The following IAH1 variants were observed in gnomAD, a reference collection of about 807,000 sequenced individuals.
IAH1 encodes the protein isoamyl acetate-hydrolyzing esterase 1 homolog.
Under a neutral mutation model 26.7 loss-of-function variants are expected in IAH1, and 24 were observed. That is an observed-to-expected ratio of 0.90 (90% CI 0.65 to 1.26). The LOEUF (loss-of-function observed/expected upper bound fraction) is 1.26. Among genes scored for constraint, IAH1 ranks in the 50% most tolerant of loss-of-function variants. The pLI is 0.00. For synonymous variants in IAH1, 140 were observed against 118.5 expected (o/e 1.18, Z -1.18); for missense variants, 300 against 299.9 (o/e 1.00, Z 0.00).
In IAH1 at chr2:9,488,659, C is replaced by T. The variant is rs1306389097; in HGVS notation, c.*330C>T. 2 of 177,858 alleles carry T rather than the reference C, an allele frequency of 1.1e-5. No individual in the cohort carries two copies. Among genetic ancestry groups the T allele is most frequent in the African/African-American group, 2.4e-5 (1 of 42,396 alleles). 11.0% of individuals were successfully genotyped at this position (177,858 alleles called of 1,614,324 possible). A position where few individuals can be genotyped will look rare whatever the true frequency, so the allele number is the denominator to read the frequency against. ...GAACTGTTTCACTCATACATACACC[C>T]ACACACCCCACTCAACCTTGTATCA... is the stretch of plus-strand genomic sequence containing the variant. On this transcript the variant is annotated 3_prime_UTR_variant, in exon 6 of 6. Transcript: ENST00000497473.
chr2:9,482,325 G>T (rs181033446), intron 4 of IAH1, among the ~76,000 whole-genome samples: 1 of 152,180 alleles, frequency 6.6e-6, no homozygotes, highest in Non-Finnish European at 1.5e-5. Flanking sequence ...ACCGTTCCTG[G>T]ACTGGAAGTT....
At chr2:9,490,067 CA>C, downstream of IAH1, 1 of 1,022,640 alleles carries the variant, frequency 9.8e-7, no homozygotes, top group African/African-American at 1.6e-5. Context: ...ACATGACCAG[CA>C]TCTGCTAAGT....
intron 1 of IAH1, among the ~76,000 whole-genome samples, chr2:9,475,500 T>C (rs910935726): frequency 2.6e-5 from 4 of 151,562 alleles, no homozygotes; most frequent in African/African-American, 7.3e-5. Context: ...TTTTTTTTTT[T>C]TTCTTTTTTT....
At chr2:9,490,381 C>T, downstream of IAH1, 2 of 1,614,154 alleles carry the variant, frequency 1.2e-6, no homozygotes. Flanking sequence ...TGTCCATTCT[C>T]TGGTGGTCCA....
At position 9,474,774 on chromosome 2, in the gene IAH1, G is replaced by T. The variant is rs933512535; in HGVS notation, c.81+127G>T. On this transcript the variant is annotated intron_variant, in intron 1 of 5. Transcript: ENST00000497473. The surrounding 1 kb of genome is among the most constrained non-coding windows in gnomAD (Gnocchi z 4.3). ...CTGGGCCGGAGGCCTGGCCACGCCC[G>T]TGGAGACACCGGAGGAGTGGCGGGT... 2 of 698,210 alleles carry T rather than the reference G, an allele frequency of 2.9e-6. No homozygotes were observed. The highest frequency in any genetic ancestry group is 4.3e-6 in the Non-Finnish European group (2 of 466,682). The allele number at this position is 698,210 out of a possible 1,614,324, so 43.3% of individuals were successfully genotyped here. A position where few individuals can be genotyped will look rare whatever the true frequency, so the allele number is the denominator to read the frequency against.
At chr2:9,477,506 C>CTT (rs1283495960) in intron 2 of IAH1, among the ~76,000 whole-genome samples, 2 of 152,162 alleles carry the variant, frequency 1.3e-5, no homozygotes, top group South Asian at 4.2e-4. Context: ...AAGAGTCCCT[C>CTT]TTATGTGACT....
chr2:9,479,795 C>CT (rs5829216), intron 3 of IAH1, among the ~76,000 whole-genome samples: 1,002 of 69,832 alleles, frequency 0.014, 60 homozygotes, highest in East Asian at 0.052. Flanking sequence ...CTGTGTATTG[C>CT]TTTTTTTTTT....
chr2:9,476,851 A>T (rs1466770616), intron 2 of IAH1, among the ~76,000 whole-genome samples: 3 of 152,208 alleles, frequency 2.0e-5, no homozygotes, highest in African/African-American at 7.2e-5. Context: ...GCTCCAGGCC[A>T]CCTGGATGTA....
At chr2:9,490,585 C>T, downstream of IAH1, 1 of 1,444,226 alleles carries the variant, frequency 6.9e-7, no homozygotes, top group Non-Finnish European at 9.3e-7. Context: ...CACAGCTCCA[C>T]CCTTACCCAT....
At chr2:9,490,341 G>C, downstream of IAH1, 2 of 1,614,162 alleles carry the variant, frequency 1.2e-6, no homozygotes, top group Non-Finnish European at 1.7e-6. Context: ...TCGTCCATAT[G>C]TGAGTCTGTG....
chr2:9,502,879 C>CAAAAA, the IAH1 span, among the ~76,000 whole-genome samples: 61 of 43,556 alleles, frequency 1.4e-3, 1 homozygote, highest in Non-Finnish European at 1.9e-3. Flanking sequence ...AATTCTGTCT[C>CAAAAA]AAAAAAAAAA....
intron 2 of IAH1, among the ~76,000 whole-genome samples, chr2:9,477,262 G>A (rs954998872): frequency 7.2e-5 from 11 of 152,084 alleles, no homozygotes; most frequent in African/African-American, 2.7e-4. Context: ...GCAGTTCTCC[G>A]CGGGTGCCCC....
At chr2:9,499,476 A>T (rs1662867823), downstream of IAH1, among the ~76,000 whole-genome samples, 1 of 151,776 alleles carries the variant, frequency 6.6e-6, no homozygotes, top group Non-Finnish European at 1.5e-5. Context: ...ATCTCGGCTC[A>T]CTGCAAGCTC....
intron 2 of IAH1, 51 bp downstream of exon 2, chr2:9,476,090 G>C (rs1460767838): frequency 1.3e-6 from 2 of 1,482,484 alleles, no homozygotes; most frequent in Non-Finnish European, 1.9e-6. Flanking sequence ...AATGTCTTAG[G>C]GATCCGTCTT....
chr2:9,499,107 CTTCTTCTTTT>C (rs1480139828), downstream of IAH1, among the ~76,000 whole-genome samples: 4 of 78,758 alleles, frequency 5.1e-5, no homozygotes, highest in African/African-American at 9.5e-5. Context: ...TTTTTTCTTT[CTTCTTCTTTT>C]TTTTTTTTTT....
chr2:9,502,221 A>G, the IAH1 span: 1 of 1,614,120 alleles, frequency 6.2e-7, no homozygotes. Context: ...GCCTCCTGGC[A>G]CTTCTTCTGG....
chr2:9,507,593 G>GA, the IAH1 span, among the ~76,000 whole-genome samples: 1 of 152,028 alleles, frequency 6.6e-6, no homozygotes, highest in Non-Finnish European at 1.5e-5. Flanking sequence ...AACCAAACTA[G>GA]AAAAACACAG....
downstream of IAH1, chr2:9,491,205 G>C (rs907060873): frequency 1.6e-5 from 24 of 1,525,138 alleles, no homozygotes; most frequent in Non-Finnish European, 2.2e-5. Context: ...CAGTTAGTGA[G>C]TACTATTTCA....
chr2:9,507,722 T>C, the IAH1 span, among the ~76,000 whole-genome samples: 5 of 147,564 alleles, frequency 3.4e-5, no homozygotes, highest in South Asian at 1.1e-3. Context: ...TTCTTTTTTT[T>C]CTTTTTCCTT....
Sources: gnomAD v4.1 joint callset for allele counts (sites outside exome capture counted in the v4.1 genomes callset) on GRCh38, gnomAD v4.1.1 for gene constraint, Gnocchi (gnomAD v3.1) non-coding constraint, MANE v1.5 for transcripts, NCBI Gene and HGNC (gene_info 2026-07-23, HGNC 2026-07-21) for gene names.